The following TMEM132C variants were observed in gnomAD, a reference collection of about 807,000 sequenced individuals.
The protein encoded by TMEM132C is protein phosphatase 1, regulatory subunit 152.
TMEM132C carries 29 observed loss-of-function variants against 61.4 expected under a neutral mutation model. The observed-to-expected ratio is 0.47, with a 90% CI of 0.35 to 0.64. The LOEUF (loss-of-function observed/expected upper bound fraction) is 0.64, where lower values mean the gene tolerates loss of function less well. Among genes scored for constraint, TMEM132C ranks in the 30% least tolerant of loss-of-function variants. TMEM132C has a pLI of 0.00. For missense variants in TMEM132C, 1,408 were observed against 1,476.9 expected, an observed-to-expected ratio of 0.95 and a Z score of 0.76; for synonymous variants, 656 against 633.1, an observed-to-expected ratio of 1.04 and a Z score of -0.54.
chr12:128,416,894 C>T (rs907404769), intron 2 of TMEM132C, among the ~76,000 whole-genome samples: 16 of 152,158 alleles, frequency 1.1e-4, no homozygotes, highest in African/African-American at 3.4e-4. Context: ...TGAACTCTTA[C>T]ATCTTTTTAT....
At chr12:128,593,339 C>T (rs1875827298) in intron 3 of TMEM132C, among the ~76,000 whole-genome samples, 1 of 151,922 alleles carries the variant, frequency 6.6e-6, no homozygotes, top group African/African-American at 2.4e-5. Flanking sequence ...TCTCTCCTTC[C>T]CTCTCTTTCT....
At chr12:128,287,302 A>G (rs1302001333) in intron 1 of TMEM132C, among the ~76,000 whole-genome samples, 2 of 152,212 alleles carry the variant, frequency 1.3e-5, no homozygotes, top group Non-Finnish European at 2.9e-5. Context: ...GCATCAAAAT[A>G]TTGTCTTAAA....
chr12:128,686,146 G>A (rs540130842), intron 5 of TMEM132C, among the ~76,000 whole-genome samples: 1 of 152,180 alleles, frequency 6.6e-6, no homozygotes. Context: ...GTGTGCATAT[G>A]TGTGTATGTG....
At chr12:128,696,926 A>G (rs1168371235) in intron 7 of TMEM132C, among the ~76,000 whole-genome samples, 1 of 152,238 alleles carries the variant, frequency 6.6e-6, no homozygotes, top group African/African-American at 2.4e-5. Context: ...CAGGTCGTGC[A>G]TTGTACAAGC....
intron 4 of TMEM132C, among the ~76,000 whole-genome samples, chr12:128,619,985 C>A (rs541632319): frequency 6.6e-6 from 1 of 152,154 alleles, no homozygotes; most frequent in African/African-American, 2.4e-5. Flanking sequence ...AATCCCAGGA[C>A]TTTGGGAGGC....
At chr12:128,365,619 G>A (rs868486452) in intron 1 of TMEM132C, among the ~76,000 whole-genome samples, 3 of 152,036 alleles carry the variant, frequency 2.0e-5, no homozygotes, top group Admixed American at 6.5e-5. Flanking sequence ...ATGCCTCCTC[G>A]CCTCTGATTT....
intron 2 of TMEM132C, among the ~76,000 whole-genome samples, chr12:128,444,753 C>T (rs189107923): frequency 2.9e-4 from 44 of 152,256 alleles, no homozygotes; most frequent in Admixed American, 1.0e-3. Context: ...CTTGCGTGGC[C>T]CCACGTCCTT....
At chr12:128,563,945 C>G (rs1484879827) in intron 3 of TMEM132C, among the ~76,000 whole-genome samples, 1 of 152,152 alleles carries the variant, frequency 6.6e-6, no homozygotes, top group Non-Finnish European at 1.5e-5. Context: ...TAAATAACTC[C>G]CACATGCTTA....
chr12:128,639,077 T>TG (rs1565999107), intron 4 of TMEM132C, among the ~76,000 whole-genome samples: 4 of 134,270 alleles, frequency 3.0e-5, no homozygotes, highest in Middle Eastern at 4.8e-3. Context: ...ATGATGGTGA[T>TG]ATGATGATGA....
chr12:128,619,587 G>A (rs1175548967), intron 4 of TMEM132C, among the ~76,000 whole-genome samples: 1 of 152,180 alleles, frequency 6.6e-6, no homozygotes, highest in Non-Finnish European at 1.5e-5. Flanking sequence ...CTTGCCTTGT[G>A]AGGGCAGGAA....
chr12:128,509,915 T>C (rs1254081142), intron 2 of TMEM132C, among the ~76,000 whole-genome samples: 1 of 152,234 alleles, frequency 6.6e-6, no homozygotes, highest in Non-Finnish European at 1.5e-5. Flanking sequence ...TCAAACTAAA[T>C]GCTAATCCTA....
At chr12:128,564,141 C>A (rs1444785334) in intron 3 of TMEM132C, among the ~76,000 whole-genome samples, 17 of 152,182 alleles carry the variant, frequency 1.1e-4, no homozygotes, top group African/African-American at 2.7e-4. Flanking sequence ...GCATTCCGGG[C>A]TCTTTATCTC....
chr12:128,668,420 T>C (rs1954499453), intron 4 of TMEM132C, among the ~76,000 whole-genome samples: 1 of 152,202 alleles, frequency 6.6e-6, no homozygotes, highest in African/African-American at 2.4e-5. Context: ...ATTTCCCTTA[T>C]ATATAAAGTA....
At chr12:128,458,762 A>G (rs1423565368) in intron 2 of TMEM132C, among the ~76,000 whole-genome samples, 2 of 152,154 alleles carry the variant, frequency 1.3e-5, no homozygotes, top group Non-Finnish European at 2.9e-5. Context: ...CATGAGGTAA[A>G]CTGAATGTGG....
intron 1 of TMEM132C, among the ~76,000 whole-genome samples, chr12:128,375,961 T>C (rs1482436521): frequency 6.6e-6 from 1 of 152,182 alleles, no homozygotes; most frequent in Non-Finnish European, 1.5e-5. Flanking sequence ...GGCCAGCTCA[T>C]GCGGGATGTC....
chr12:128,529,923 T>C (rs1022013725), intron 2 of TMEM132C, among the ~76,000 whole-genome samples: 3 of 152,168 alleles, frequency 2.0e-5, no homozygotes, highest in Admixed American at 1.3e-4. Flanking sequence ...ATTAGAAAAT[T>C]ACAAATTTTG....
chr12:128,376,828 C>G (rs757298203), intron 1 of TMEM132C, among the ~76,000 whole-genome samples: 34 of 152,302 alleles, frequency 2.2e-4, no homozygotes, highest in Middle Eastern at 3.4e-3. Context: ...CCTGTTTTTC[C>G]TCACAGGTCT....
chr12:128,523,760 G>A (rs1219301061), intron 2 of TMEM132C, among the ~76,000 whole-genome samples: 3 of 148,462 alleles, frequency 2.0e-5, no homozygotes, highest in Non-Finnish European at 4.4e-5. Flanking sequence ...AGCACTTTGA[G>A]AGGCCGAGGG....
At chr12:128,625,232 C>T (rs1294795001) in intron 4 of TMEM132C, among the ~76,000 whole-genome samples, 1 of 152,184 alleles carries the variant, frequency 6.6e-6, no homozygotes, top group Non-Finnish European at 1.5e-5. Flanking sequence ...CCATAAACAG[C>T]ATGGTTTATA....
Sources: gnomAD v4.1 joint callset for allele counts (sites outside exome capture counted in the v4.1 genomes callset) on GRCh38, gnomAD v4.1.1 for gene constraint, MANE v1.5 for transcripts, NCBI Gene and HGNC (gene_info 2026-07-23, HGNC 2026-07-21) for gene names.